Variants in OPN3 observed in about 807,000 individuals in gnomAD.
OPN3 encodes the protein opsin-3.
Under a neutral mutation model 33.8 loss-of-function variants are expected in OPN3, and 29 were observed. The observed-to-expected ratio is 0.86, with a 90% CI of 0.64 to 1.17. The LOEUF (loss-of-function observed/expected upper bound fraction) is 1.17. OPN3 is among the 50% of genes most tolerant of loss of function. The pLI, the probability that OPN3 is intolerant of heterozygous loss-of-function variation, is 0.00. For missense variants in OPN3, 437 were observed against 514.1 expected (o/e 0.85, Z 1.45); for synonymous variants, 216 against 216.1 (o/e 1.00, Z 0.00).
chr1:241,628,303 G>T (rs1664481588), intron 1 of OPN3, among the ~76,000 whole-genome samples: 1 of 152,126 alleles, frequency 6.6e-6, no homozygotes, highest in African/African-American at 2.4e-5. Flanking sequence ...CCAACAGAAT[G>T]TTTGTCAGGT....
At chr1:241,634,929 TGGAA>T (rs1157376625) in intron 1 of OPN3, 8 of 1,612,752 alleles carry the variant, frequency 5.0e-6, no homozygotes, top group Non-Finnish European at 6.8e-6. Context: ...ACATCTGCTC[TGGAA>T]CAAGGAACTT....
rs372517765 is a variant in OPN3 at position 241,604,385 on chromosome 1, C to G, written c.568G>C (p.Val190Leu). The G allele has an allele frequency of 6.8e-6, 11 of 1,614,072 alleles. No homozygotes were observed. In the African/African-American group the frequency reaches 9.3e-5, roughly 14 times the overall value. ...TTGGCATCCTTGGATTTCCAGTCCA[C>G]AGTGCAGCCTAGTCCGTGTACGTCC... ...ILDVHGLGCTVDWKSKDANDS... is the reference protein window; with the variant it reads ...ILDVHGLGCTLDWKSKDANDS... The change falls in exon 2 of 4, where the codon GTG becomes CTG. Residue 190 changes from valine (V) to leucine (L), a missense_variant. By Grantham distance (32) the Val-to-Leu change is conservative. Coordinates refer to ENST00000366554, the MANE Select transcript of OPN3 (RefSeq NM_014322.3).
At chr1:241,615,893 G>A (rs1427408407) in intron 1 of OPN3, 4 of 456,718 alleles carry the variant, frequency 8.8e-6, no homozygotes, top group Middle Eastern at 6.5e-4. Flanking sequence ...GACCCATGGA[G>A]GCTCTGGCTT....
intron 2 of OPN3, chr1:241,601,147 G>T (rs898930418): frequency 2.0e-5 from 3 of 152,180 alleles, no homozygotes. Flanking sequence ...GCCGCATCAT[G>T]AGGTGGCAAG....
chr1:241,629,466 C>G (rs375415706), intron 1 of OPN3: 27 of 152,036 alleles, frequency 1.8e-4, no homozygotes, highest in Admixed American at 2.0e-4. Context: ...CATTTATACA[C>G]GATCGCTTTA....
intron 1 of OPN3, among the ~76,000 whole-genome samples, chr1:241,624,720 C>A (rs1449743209): frequency 6.6e-6 from 1 of 152,170 alleles, no homozygotes; most frequent in East Asian, 1.9e-4. Context: ...CAGAACAGTT[C>A]ATGGCACAGA....
At position 241,594,554 on chromosome 1, in the gene OPN3, C is replaced by A; in HGVS notation, c.1083G>T (p.Lys361Asn). The A allele has an allele frequency of 6.2e-7, 1 of 1,614,084 alleles. No homozygotes were observed. Among genetic ancestry groups the A allele is most frequent in the South Asian group, 1.1e-5 (1 of 91,080 alleles). The change falls in exon 4 of 4, where the codon AAG (lysine) becomes AAT (asparagine). Residue 361 changes from lysine to asparagine, a missense_variant. Physicochemically the swap from Lys to Asn is moderately conservative, Grantham distance 94 (BLOSUM62 0). Coordinates refer to ENST00000366554, the MANE Select transcript of OPN3 (RefSeq NM_014322.3). ...AAGAAGAGTTGAAAGTCACTTTTTT[C>A]TTTGGCCTGTCCCCATCTTTCTGTG... ...VMSQKDGDRPKKKVTFNSSSI... is the reference protein window; with the variant it reads ...VMSQKDGDRPNKKVTFNSSSI...
chr1:241,605,532 TAAC>T (rs1436176339), intron 1 of OPN3, among the ~76,000 whole-genome samples: 1 of 152,228 alleles, frequency 6.6e-6, no homozygotes, highest in African/African-American at 2.4e-5. Flanking sequence ...GGTACTCACT[TAAC>T]AAGCACCTAC....
At chr1:241,616,087 T>C (rs1218497073) in intron 1 of OPN3, among the ~76,000 whole-genome samples, 2 of 152,210 alleles carry the variant, frequency 1.3e-5, no homozygotes, top group Non-Finnish European at 2.9e-5. Flanking sequence ...TCTCTGAAGA[T>C]GTCCTGCAAG....
At position 241,593,480 on chromosome 1, in the gene OPN3, A is replaced by C; in HGVS notation, c.*948T>G. The C allele has an allele frequency of 3.1e-6, 1 of 325,662 alleles. No individual in the cohort carries two copies. Among genetic ancestry groups the C allele is most frequent in the South Asian group, 2.5e-5 (1 of 39,260 alleles). The allele number at this position is 325,662 out of a possible 1,614,324, so 20.2% of individuals were successfully genotyped here. A position where few individuals can be genotyped will look rare whatever the true frequency, so the allele number is the denominator to read the frequency against. ...TAAAATGATTCAGTGTTTCTTTTCT[A>C]TATTGTCAATGAAAACCTTGAGTTC... On this transcript the variant is annotated 3_prime_UTR_variant, in exon 4 of 4. Coordinates refer to ENST00000366554, the MANE Select transcript of OPN3 (RefSeq NM_014322.3).
Position 241,594,647 on chromosome 1 carries a change from CCTCA to C in OPN3, c.986_989del (p.Leu329ArgfsTer22). 6.2e-7 allele frequency: 1 copy of C among 1,614,034 alleles called. No individual in the cohort carries two copies. Among genetic ancestry groups the C allele is most frequent in the South Asian group, 1.1e-5 (1 of 91,080 alleles). On this transcript the variant is annotated frameshift_variant, in exon 4 of 4. Transcript: ENST00000366554. LOFTEE classifies it high-confidence loss of function. ...GTAGGTCTTTAGCAGGCCTCTGGCA[CCTCA>C]GCAGTCGGAGGCACAGAAGCTGCAA...
chr1:241,625,616 T>C (rs1664398066), intron 1 of OPN3, among the ~76,000 whole-genome samples: 1 of 152,136 alleles, frequency 6.6e-6, no homozygotes. Flanking sequence ...TGTGTTATAA[T>C]AAACCACCAG....
chr1:241,626,512 A>C (rs1664423289), intron 1 of OPN3, among the ~76,000 whole-genome samples: 2 of 152,220 alleles, frequency 1.3e-5, no homozygotes, highest in Admixed American at 1.3e-4. Flanking sequence ...AGAACAGAAC[A>C]ATGTACAGCT....
intron 3 of OPN3, among the ~76,000 whole-genome samples, chr1:241,597,332 T>C (rs1663553556): frequency 6.6e-6 from 1 of 152,208 alleles, no homozygotes; most frequent in South Asian, 2.1e-4. Context: ...TCTGAACTTA[T>C]TCATAACCCA....
chr1:241,634,938 G>C (rs763052646), intron 1 of OPN3: 2 of 1,613,110 alleles, frequency 1.2e-6, no homozygotes, highest in South Asian at 1.1e-5. Context: ...CTGGAACAAG[G>C]AACTTGTTCT....
chr1:241,625,163 T>C (rs1242944135), intron 1 of OPN3, among the ~76,000 whole-genome samples: 1 of 152,212 alleles, frequency 6.6e-6, no homozygotes, highest in Non-Finnish European at 1.5e-5. Context: ...GCATACTGAC[T>C]CATTCCATTG....
chr1:241,639,739 G>T, intron 1 of OPN3, 143 bp downstream of exon 1: 1 of 825,710 alleles, frequency 1.2e-6, no homozygotes. Flanking sequence ...GGCGAGCGGG[G>T]AGCGGGGCGG....
At chr1:241,607,572 AAAGAAAAG>A (rs1204752308) in intron 1 of OPN3, among the ~76,000 whole-genome samples, 1 of 118,828 alleles carries the variant, frequency 8.4e-6, no homozygotes, top group African/African-American at 3.4e-5. Flanking sequence ...AGAAAGAAAG[AAAGAAAAG>A]AAAGAAAGAA....
At chr1:241,615,112 AG>A (rs1484738779) in intron 1 of OPN3, among the ~76,000 whole-genome samples, 2 of 151,298 alleles carry the variant, frequency 1.3e-5, no homozygotes, top group Non-Finnish European at 2.9e-5. Flanking sequence ...CTATGGGCTG[AG>A]TGGGAAAAAA....
Sources: gnomAD v4.1 joint callset for allele counts (sites outside exome capture counted in the v4.1 genomes callset) on GRCh38, gnomAD v4.1.1 for gene constraint, MANE v1.5 for transcripts, NCBI Gene and HGNC (gene_info 2026-07-23, HGNC 2026-07-21) for gene names.